The following PVT1 variants were observed in gnomAD, a reference collection of about 807,000 sequenced individuals.
The protein encoded by PVT1 is CXCR4/PVT1 fusion.
intron 2 of PVT1, among the ~76,000 whole-genome samples, chr8:127,877,038 G>C (rs1815413051): frequency 6.6e-6 from 1 of 152,214 alleles, no homozygotes; most frequent in Non-Finnish European, 1.5e-5. Context: ...CAAAGGTGGT[G>C]CTTATGGGAT....
chr8:128,092,094 G>A (rs1001089863), intron 5 of PVT1, among the ~76,000 whole-genome samples: 7 of 151,864 alleles, frequency 4.6e-5, no homozygotes, highest in Admixed American at 2.0e-4. Flanking sequence ...CCCACCTGGC[G>A]GGCCCAGCTG....
chr8:128,054,476 G>T (rs1177819700), intron 4 of PVT1, among the ~76,000 whole-genome samples: 1 of 152,216 alleles, frequency 6.6e-6, no homozygotes, highest in African/African-American at 2.4e-5. Flanking sequence ...CTCACAGCAA[G>T]TTGAGGGTAA....
At chr8:127,797,133 C>T (rs1257624671) in intron 2 of PVT1, among the ~76,000 whole-genome samples, 1 of 152,028 alleles carries the variant, frequency 6.6e-6, no homozygotes, top group African/African-American at 2.4e-5. Context: ...CCGCCTTGGC[C>T]TCCCAAAATG....
chr8:127,943,209 A>G lies in PVT1; in HGVS notation n.783-45953A>G, dbSNP rs78025857. ...TCCCCAGATCCTAACGCGAAGTCTGACACATAGTAGCCTCCCGGTAATCTT... is the reference window on the plus strand; with the variant it reads ...TCCCCAGATCCTAACGCGAAGTCTGGCACATAGTAGCCTCCCGGTAATCTT... On this transcript the variant is annotated intron_variant and non_coding_transcript_variant, in intron 3 of 10. Coordinates refer to ENST00000651587, the Ensembl canonical transcript of PVT1. 3.9e-5 allele frequency among the ~76,000 whole-genome samples: 6 copies of G among 152,180 alleles called. 1 individual carries two copies. The highest frequency in any genetic ancestry group is 6.5e-5 in the Admixed American group (1 of 15,278).
At chr8:128,100,514 C>A (rs563748581) in intron 6 of PVT1, among the ~76,000 whole-genome samples, 2 of 152,282 alleles carry the variant, frequency 1.3e-5, no homozygotes, top group East Asian at 1.9e-4. Flanking sequence ...GACAGTCAAG[C>A]CCAGACCTAA....
chr8:127,896,689 GTGCC>G (rs1312276515), intron 3 of PVT1, among the ~76,000 whole-genome samples: 4 of 151,670 alleles, frequency 2.6e-5, no homozygotes, highest in Non-Finnish European at 5.9e-5. Flanking sequence ...TGGTAGACGT[GTGCC>G]ATGTGATTTG....
intron 3 of PVT1, among the ~76,000 whole-genome samples, chr8:127,931,657 C>T (rs977058587): frequency 2.0e-5 from 3 of 152,228 alleles, no homozygotes; most frequent in African/African-American, 4.8e-5. Context: ...AGCCTGGCCT[C>T]AGAGTCGGTG....
intron 4 of PVT1, among the ~76,000 whole-genome samples, chr8:127,992,001 G>C (rs1041404630): frequency 5.9e-5 from 9 of 151,282 alleles, no homozygotes; most frequent in Non-Finnish European, 7.4e-5. Flanking sequence ...TCTACCCCAG[G>C]CTCCACTTCC....
At chr8:127,852,751 T>A (rs1402250859) in intron 2 of PVT1, among the ~76,000 whole-genome samples, 1 of 152,104 alleles carries the variant, frequency 6.6e-6, no homozygotes, top group Non-Finnish European at 1.5e-5. Context: ...TGCCCAGCCC[T>A]CCTCCCTCTC....
chr8:127,854,122 C>G (rs1815137052), intron 2 of PVT1, among the ~76,000 whole-genome samples: 1 of 151,318 alleles, frequency 6.6e-6, no homozygotes, highest in South Asian at 2.1e-4. Context: ...CGTAGGCAGG[C>G]CTCACCCCTG....
intron 2 of PVT1, among the ~76,000 whole-genome samples, chr8:127,875,363 GTCTC>G (rs139309505): frequency 0.17 from 24,808 of 149,662 alleles, 3,015 homozygotes; most frequent in African/African-American, 0.35. Context: ...CTCTGTCTCT[GTCTC>G]TCTCTCTCTC....
chr8:128,076,891 T>G (rs977591975), intron 5 of PVT1, among the ~76,000 whole-genome samples: 1 of 152,192 alleles, frequency 6.6e-6, no homozygotes, highest in African/African-American at 2.4e-5. Flanking sequence ...CAGGGGCTTC[T>G]GAGAGAGGCC....
intron 2 of PVT1, among the ~76,000 whole-genome samples, chr8:127,817,203 C>T (rs1306430542): frequency 6.6e-6 from 1 of 151,748 alleles, no homozygotes; most frequent in African/African-American, 2.4e-5. Context: ...AAAAGAAATG[C>T]TCTTGGTGTG....
At chr8:127,974,634 T>G (rs943800291) in intron 3 of PVT1, among the ~76,000 whole-genome samples, 1 of 151,984 alleles carries the variant, frequency 6.6e-6, no homozygotes, top group Non-Finnish European at 1.5e-5. Context: ...CAGGCTAGTC[T>G]CAAATTCATG....
chr8:127,969,038 T>G (rs1343656053), intron 3 of PVT1, among the ~76,000 whole-genome samples: 4 of 152,158 alleles, frequency 2.6e-5, no homozygotes. Context: ...TCAAGCCACC[T>G]ATTTTGCGAC....
chr8:128,018,009 G>A (rs969808154), intron 4 of PVT1, among the ~76,000 whole-genome samples: 1 of 152,126 alleles, frequency 6.6e-6, no homozygotes, highest in African/African-American at 2.4e-5. Context: ...AACATTTTCC[G>A]AATCCTGTTG....
intron 2 of PVT1, among the ~76,000 whole-genome samples, chr8:127,817,886 T>G (rs1814684395): frequency 6.6e-6 from 1 of 151,864 alleles, no homozygotes; most frequent in Admixed American, 6.6e-5. Flanking sequence ...GAGAGAAAGA[T>G]CCGGCATGTG....
intron 3 of PVT1, among the ~76,000 whole-genome samples, chr8:127,985,903 A>C (rs1165167578): frequency 6.6e-6 from 1 of 152,200 alleles, no homozygotes; most frequent in Admixed American, 6.5e-5. Context: ...CCAAGTGGCC[A>C]AGGGCTCCTA....
chr8:127,803,731 T>TA (rs1251877094), intron 2 of PVT1, among the ~76,000 whole-genome samples: 1 of 151,060 alleles, frequency 6.6e-6, no homozygotes, highest in Non-Finnish European at 1.5e-5. Flanking sequence ...CAGTTTTTTT[T>TA]TTTTTTTGAG....
Sources: allele counts gnomAD v4.1 joint callset (sites outside exome capture counted in the v4.1 genomes callset), GRCh38; gene constraint gnomAD v4.1.1; transcripts MANE v1.5; gene names NCBI Gene and HGNC (gene_info 2026-07-23, HGNC 2026-07-21).